The following PHACTR2 variants were observed in gnomAD, a reference collection of about 807,000 sequenced individuals.
PHACTR2 encodes chromosome 6 open reading frame 56.
A neutral mutation model predicts 76.0 loss-of-function variants in PHACTR2; 30 were observed. The ratio of observed to expected loss-of-function variants is 0.39; its 90% CI spans 0.30 to 0.54. The LOEUF is 0.54. PHACTR2 is among the 20% of genes least tolerant of loss of function. PHACTR2 has a pLI of 0.61. For missense variants in PHACTR2, 696 were observed against 781.1 expected (o/e 0.89, Z 1.30); for synonymous variants, 292 against 292.5 (o/e 1.00, Z 0.02).
rs768450951 is a variant in PHACTR2, at chr6:143,678,243, G to A, written c.46+34G>A. 9 of 1,458,108 alleles carry A rather than the reference G, an allele frequency of 6.2e-6. No individual in the cohort carries two copies. The highest frequency in any genetic ancestry group is 5.6e-5 in the South Asian group (4 of 71,982). 90.3% of individuals were successfully genotyped at this position (1,458,108 alleles called of 1,614,324 possible). ...GGGGCGCACGCGATGCGCTCCCGCC[G>A]CGCGGGCGCAGGGCTGGCGGCGGGG... On this transcript the variant is annotated intron_variant, in intron 1 of 12. Transcript: ENST00000440869. This position sits in a 1 kb window ranked among gnomAD's most constrained non-coding sequence, Gnocchi z 6.2.
At chr6:143,815,443 T>C (rs1776276490) in intron 12 of PHACTR2, among the ~76,000 whole-genome samples, 1 of 151,880 alleles carries the variant, frequency 6.6e-6, no homozygotes, top group Non-Finnish European at 1.5e-5. Context: ...ATAAATAAAA[T>C]TTAAAAATAA....
intron 1 of PHACTR2, among the ~76,000 whole-genome samples, chr6:143,693,145 G>A (rs1777685069): frequency 6.6e-6 from 1 of 152,104 alleles, no homozygotes; most frequent in South Asian, 2.1e-4. Context: ...ATTCAAATAT[G>A]GTCCCATGTT....
At chr6:143,651,162 A>G (rs1405274025) in intron 1 of PHACTR2, among the ~76,000 whole-genome samples, 1 of 152,182 alleles carries the variant, frequency 6.6e-6, no homozygotes, top group Non-Finnish European at 1.5e-5. Flanking sequence ...GCCAGTCAGG[A>G]TAGCTATTAT....
At position 143,784,006 on chromosome 6, in the gene PHACTR2, T is replaced by A. The variant is rs1775492726; in HGVS notation, c.1707+726T>A. Among the ~76,000 whole-genome samples, 1 of 141,286 alleles carries A rather than the reference T, an allele frequency of 7.1e-6. No individual in the cohort carries two copies. Among genetic ancestry groups the A allele is most frequent in the Admixed American group, 7.1e-5 (1 of 14,096 alleles). 92.7% of individuals were successfully genotyped at this position (141,286 alleles called of 152,430 possible). ...CTTGTTTCAAAAAAAAAGAATTAATTGAAAATTAATCTCGCTTGATTAGAA... is the reference window on the plus strand; with the variant it reads ...CTTGTTTCAAAAAAAAAGAATTAATAGAAAATTAATCTCGCTTGATTAGAA... On this transcript the variant is annotated intron_variant, in intron 10 of 12. Coordinates refer to ENST00000440869, the MANE Select transcript of PHACTR2 (RefSeq NM_001100164.2). This position sits in a 1 kb window ranked among gnomAD's most constrained non-coding sequence, Gnocchi z 4.5.
intron 2 of PHACTR2, among the ~76,000 whole-genome samples, chr6:143,714,846 T>C (rs1014819428): frequency 5.3e-5 from 8 of 152,204 alleles, no homozygotes; most frequent in African/African-American, 1.9e-4. Flanking sequence ...ATAATCATTT[T>C]TTCCCATTTT....
chr6:143,788,326 T>C (rs963847884), intron 10 of PHACTR2, among the ~76,000 whole-genome samples: 1 of 152,254 alleles, frequency 6.6e-6, no homozygotes, highest in Non-Finnish European at 1.5e-5. Context: ...TTTGTACATT[T>C]CTGAGTGTAT....
At position 143,811,980 on chromosome 6, in the gene PHACTR2, C is replaced by T. The variant is rs140293348; in HGVS notation, c.1922+4847C>T. ...TCAATGCAACCTAGATACACAGCAGCTCTCCTTTCCTCTTATTAGCATGAG... is the reference window on the plus strand; with the variant it reads ...TCAATGCAACCTAGATACACAGCAGTTCTCCTTTCCTCTTATTAGCATGAG... On this transcript the variant is annotated intron_variant, in intron 12 of 12. Transcript: ENST00000440869. This position sits in a 1 kb window ranked among gnomAD's most constrained non-coding sequence, Gnocchi z 4.1. 4.3e-4 allele frequency among the ~76,000 whole-genome samples: 65 copies of T among 152,280 alleles called. No individual in the cohort carries two copies. The highest frequency in any genetic ancestry group is 2.1e-3 in the South Asian group (10 of 4,812).
rs907027459 is a variant in PHACTR2 at position 143,608,679 on chromosome 6, A to T, written c.13+357A>T. On this transcript the variant is annotated intron_variant, in intron 1 of 11. Transcript: ENST00000305766. The surrounding 1 kb of genome is among the most constrained non-coding windows in gnomAD (Gnocchi z 4.6). ...GGATGGCACAAGGTAGATGGAATTA[A>T]GTTAATGAGCTGAGCAAAAATTCTG... Among the ~76,000 whole-genome samples, 5 of 152,248 alleles carry T rather than the reference A, an allele frequency of 3.3e-5. No homozygotes were observed. The highest frequency in any genetic ancestry group is 5.9e-5 in the Non-Finnish European group (4 of 68,050).
intron 1 of PHACTR2, among the ~76,000 whole-genome samples, chr6:143,542,538 G>A (rs1781180828): frequency 6.6e-6 from 1 of 152,158 alleles, no homozygotes. Context: ...CATGGTTTCA[G>A]CAGGCTTGAG....
intron 1 of PHACTR2, among the ~76,000 whole-genome samples, chr6:143,563,493 T>C (rs890085768): frequency 2.1e-5 from 3 of 145,260 alleles, no homozygotes; most frequent in Non-Finnish European, 4.5e-5. Context: ...GAGGTGGAGA[T>C]TGCAGTGAGC....
At chr6:143,637,260 TTTTTTCTAAGTTAACCATTCTTTTG>T (rs1445934147) in intron 1 of PHACTR2, among the ~76,000 whole-genome samples, 5 of 152,052 alleles carry the variant, frequency 3.3e-5, no homozygotes, top group Non-Finnish European at 7.4e-5. Context: ...CCAAATAATT[TTTTTTCTAAGTTAACCATTCTTTTG>T]TTTTTCTAAG....
chr6:143,628,763 G>A (rs1776302922), intron 1 of PHACTR2, among the ~76,000 whole-genome samples: 1 of 151,610 alleles, frequency 6.6e-6, no homozygotes, highest in Non-Finnish European at 1.5e-5. Context: ...TGAAGGTGGG[G>A]GAAGAGGGAG....
intron 1 of PHACTR2, among the ~76,000 whole-genome samples, chr6:143,544,549 T>C (rs776509398): frequency 2.0e-5 from 3 of 152,180 alleles, no homozygotes; most frequent in African/African-American, 4.8e-5. Flanking sequence ...ACATAGCTCA[T>C]AGGATTATTG....
At position 143,777,866 on chromosome 6, in the gene PHACTR2, C is replaced by T. The variant is rs973706571; in HGVS notation, c.1645+483C>T. On this transcript the variant is annotated intron_variant, in intron 9 of 12. Transcript: ENST00000440869. The surrounding 1 kb of genome is among the most constrained non-coding windows in gnomAD (Gnocchi z 4.6). ...TGCATTTTCCTATGTTATGATAACT[C>T]GGCTTCCTTCTTGAGTTGTTTATAA... Among the ~76,000 whole-genome samples the T allele has an allele frequency of 9.2e-5, 14 of 152,146 alleles. No homozygotes were observed. Among genetic ancestry groups the T allele is most frequent in the African/African-American group, 3.1e-4 (13 of 41,438 alleles).
chr6:143,715,951 T>C (rs1013058348), intron 2 of PHACTR2, among the ~76,000 whole-genome samples: 3 of 152,200 alleles, frequency 2.0e-5, no homozygotes, highest in African/African-American at 7.2e-5. Flanking sequence ...TCTCAATTAG[T>C]GCAACGTAGC....
intron 5 of PHACTR2, among the ~76,000 whole-genome samples, chr6:143,763,529 T>C (rs1002455149): frequency 6.6e-6 from 1 of 152,208 alleles, no homozygotes; most frequent in African/African-American, 2.4e-5. Flanking sequence ...AGGAGTGTGC[T>C]TAATGAGTTT....
rs938207360 is a variant in PHACTR2 at position 143,621,138 on chromosome 6, C to A, written c.13+12816C>A. Reference sequence around the variant, plus strand: ...TTAGCATTTTCACACAGAGACTGAGCTTGGAAATCCAGTTTCAGAGAAGGG... The same window carrying A: ...TTAGCATTTTCACACAGAGACTGAGATTGGAAATCCAGTTTCAGAGAAGGG... On this transcript the variant is annotated intron_variant, in intron 1 of 11. Coordinates refer to the PHACTR2 transcript ENST00000305766. The surrounding 1 kb of genome is among the most constrained non-coding windows in gnomAD (Gnocchi z 4.1). 2.0e-5 allele frequency among the ~76,000 whole-genome samples: 3 copies of A among 152,172 alleles called. No individual in the cohort carries two copies. Among genetic ancestry groups the A allele is most frequent in the Non-Finnish European group, 4.4e-5 (3 of 68,040 alleles).
chr6:143,678,008 C>G lies in PHACTR2; in HGVS notation c.-156C>G. 3 of 1,467,444 alleles carry G rather than the reference C, an allele frequency of 2.0e-6. No individual in the cohort carries two copies. Among genetic ancestry groups the G allele is most frequent in the Non-Finnish European group, 2.7e-6 (3 of 1,105,296 alleles). 90.9% of individuals were successfully genotyped at this position (1,467,444 alleles called of 1,614,324 possible). A position where few individuals can be genotyped will look rare whatever the true frequency, so the allele number is the denominator to read the frequency against. On this transcript the variant is annotated 5_prime_UTR_variant, in exon 1 of 13. Coordinates refer to ENST00000440869, the MANE Select transcript of PHACTR2 (RefSeq NM_001100164.2). The surrounding 1 kb of genome is among the most constrained non-coding windows in gnomAD (Gnocchi z 6.2). ...GCCGCGCCGGCTGCGGCCGGCCGGG[C>G]TGGGAGACCCGCGCGGGGTAGAAGG...
Position 143,647,355 on chromosome 6 carries a change from T to C in PHACTR2, c.13+39033T>C, listed in dbSNP as rs894511379. On this transcript the variant is annotated intron_variant, in intron 1 of 11. Transcript: ENST00000305766. The surrounding 1 kb of genome is among the most constrained non-coding windows in gnomAD (Gnocchi z 4.2). ...TCAAAACAACCTGACCCTGAAACCCTCCTGTTAACCAGTGACCTTTTCTCC... is the reference window on the plus strand; with the variant it reads ...TCAAAACAACCTGACCCTGAAACCCCCCTGTTAACCAGTGACCTTTTCTCC... 6.6e-6 allele frequency among the ~76,000 whole-genome samples: 1 copy of C among 152,192 alleles called. No individual in the cohort carries two copies. Among genetic ancestry groups the C allele is most frequent in the Admixed American group, 6.5e-5 (1 of 15,276 alleles).
Sources: gnomAD v4.1 joint callset for allele counts (sites outside exome capture counted in the v4.1 genomes callset) on GRCh38, gnomAD v4.1.1 for gene constraint, Gnocchi (gnomAD v3.1) non-coding constraint, MANE v1.5 for transcripts, NCBI Gene and HGNC (gene_info 2026-07-23, HGNC 2026-07-21) for gene names.